COL22A1: variants seen among roughly 807,000 people sequenced by gnomAD.
COL22A1 encodes the protein collagen type XXII alpha 1 chain, also known as collagen alpha-1(XXII) chain.
A neutral mutation model predicts 248.9 loss-of-function variants in COL22A1; 221 were observed. That is an observed-to-expected ratio of 0.89 (90% confidence interval 0.80 to 0.99). The LOEUF (loss-of-function observed/expected upper bound fraction) is 0.99, where lower values mean the gene tolerates loss of function less well. Among genes scored for constraint, COL22A1 ranks in the 50% least tolerant of loss-of-function variants. The pLI, the probability that COL22A1 is intolerant of heterozygous loss-of-function variation, is 0.00. For missense variants in COL22A1, 2,240 were observed against 2,179.0 expected (o/e 1.03, Z -0.56); for synonymous variants, 891 against 793.4 (o/e 1.12, Z -2.07).
chr8:138,726,804 G>A (rs1164558984), intron 23 of COL22A1, among the ~76,000 whole-genome samples: 1 of 152,236 alleles, frequency 6.6e-6, no homozygotes, highest in Non-Finnish European at 1.5e-5. Flanking sequence ...GATGGAGGCT[G>A]AGCCAGGACC....
At position 138,721,745 on chromosome 8, in the gene COL22A1, C is replaced by A. The variant is rs374114389; in HGVS notation, c.2301+291G>T. Among the ~76,000 whole-genome samples, 74 of 152,330 alleles carry A rather than the reference C, an allele frequency of 4.9e-4. 1 individual carries two copies. In the East Asian group the frequency reaches 0.012, roughly 25 times the overall value. The stretch of plus-strand genomic sequence containing the variant: ...AGTGAATGGGAATACAGGTGCCCAC[C>A]CCCATGCCAGGCTAATTCCTGCCTA... On this transcript the variant is annotated intron_variant, in intron 26 of 64. Coordinates refer to ENST00000303045, the MANE Select transcript of COL22A1 (RefSeq NM_152888.3).
chr8:138,733,091 G>A (rs1830826689), intron 23 of COL22A1, among the ~76,000 whole-genome samples: 1 of 152,090 alleles, frequency 6.6e-6, no homozygotes. Context: ...CTGCACAGAG[G>A]CCCAGGCCCA....
intron 10 of COL22A1, 86 bp downstream of exon 10, chr8:138,807,682 C>A: frequency 7.8e-7 from 1 of 1,279,626 alleles, no homozygotes; most frequent in South Asian, 1.3e-5. Flanking sequence ...GGCAGCATCC[C>A]CACACACCAT....
At chr8:138,816,232 C>T (rs776796162) in intron 7 of COL22A1, among the ~76,000 whole-genome samples, 1 of 152,106 alleles carries the variant, frequency 6.6e-6, no homozygotes, top group Non-Finnish European at 1.5e-5. Flanking sequence ...TGGACAGAGG[C>T]GTTCTCAGGT....
chr8:138,646,329 G>C (rs1051940783), intron 47 of COL22A1, among the ~76,000 whole-genome samples: 1 of 152,194 alleles, frequency 6.6e-6, no homozygotes, highest in African/African-American at 2.4e-5. Context: ...TGGGAGTTAA[G>C]TGGAGGCGTC....
At chr8:138,598,436 C>T (rs1374470323) in intron 61 of COL22A1, among the ~76,000 whole-genome samples, 1 of 152,168 alleles carries the variant, frequency 6.6e-6, no homozygotes. Context: ...GATTCATTAC[C>T]ACGAGGAAGA....
chr8:138,646,580 T>C (rs774528495), intron 47 of COL22A1, 49 bp downstream of exon 47: 1 of 1,379,608 alleles, frequency 7.2e-7, no homozygotes, highest in South Asian at 1.4e-5. Flanking sequence ...GATTAACCAT[T>C]GAGATGAGCA....
At chr8:138,773,549 T>C (rs5019355) in intron 16 of COL22A1, among the ~76,000 whole-genome samples, 21,175 of 152,258 alleles carry the variant, frequency 0.14, 2,609 homozygotes, top group African/African-American at 0.33. Flanking sequence ...ATTTAGCAAA[T>C]GTGTATCAAA....
intron 45 of COL22A1, among the ~76,000 whole-genome samples, chr8:138,653,171 A>G (rs1446027001): frequency 2.0e-5 from 3 of 152,148 alleles, no homozygotes; most frequent in African/African-American, 7.2e-5. Flanking sequence ...AATAACAGTC[A>G]TTGCTTCCCA....
intron 13 of COL22A1, 70 bp from the exon 14 acceptor site, chr8:138,779,632 A>G (rs1814782587): frequency 1.9e-6 from 2 of 1,052,774 alleles, no homozygotes; most frequent in Non-Finnish European, 3.0e-6. Flanking sequence ...AGAAGCCCAC[A>G]GTCTCCCAGG....
chr8:138,888,663 C>T (rs1328860086), intron 1 of COL22A1, among the ~76,000 whole-genome samples: 2 of 152,164 alleles, frequency 1.3e-5, no homozygotes, highest in Non-Finnish European at 2.9e-5. Context: ...GCTACAGGAA[C>T]AGGAAGAAAA....
chr8:138,735,224 GT>G (rs1309220589), intron 23 of COL22A1, among the ~76,000 whole-genome samples: 4 of 152,160 alleles, frequency 2.6e-5, no homozygotes, highest in Admixed American at 6.5e-5. Flanking sequence ...GCCTCTTAGC[GT>G]AAGAGTGGCT....
At chr8:138,718,011 C>T (rs766772579) in intron 27 of COL22A1, among the ~76,000 whole-genome samples, 6 of 151,742 alleles carry the variant, frequency 4.0e-5, no homozygotes, top group East Asian at 1.9e-4. Flanking sequence ...CATGGATGCA[C>T]GAAAGAATGA....
chr8:138,786,269 A>G lies in COL22A1; in HGVS notation c.1597-5289T>C, dbSNP rs992135469. On this transcript the variant is annotated intron_variant, in intron 12 of 64. Transcript: ENST00000303045. Reference sequence around the variant, plus strand: ...CTGTGTATTCTAAGAAGAGAACTAGAGGTCTCTGTAGAAGTGAATATGTTC... The same window carrying G: ...CTGTGTATTCTAAGAAGAGAACTAGGGGTCTCTGTAGAAGTGAATATGTTC... Among the ~76,000 whole-genome samples, 9 of 152,208 alleles carry G rather than the reference A, an allele frequency of 5.9e-5. No homozygotes were observed. In the East Asian group the frequency reaches 1.7e-3, roughly 29 times the overall value.
intron 3 of COL22A1, among the ~76,000 whole-genome samples, chr8:138,855,876 G>C (rs532955129): frequency 6.6e-6 from 1 of 152,188 alleles, no homozygotes; most frequent in African/African-American, 2.4e-5. Flanking sequence ...CACTGTCAAC[G>C]GTGTAGGACA....
chr8:138,731,660 G>A (rs1830716928), intron 23 of COL22A1, among the ~76,000 whole-genome samples: 1 of 151,748 alleles, frequency 6.6e-6, no homozygotes, highest in South Asian at 2.1e-4. Flanking sequence ...GAGAGAGAGA[G>A]AGAGTGAGTT....
At chr8:138,714,782 G>A (rs1829302296) in intron 30 of COL22A1, among the ~76,000 whole-genome samples, 1 of 152,152 alleles carries the variant, frequency 6.6e-6, no homozygotes, top group African/African-American at 2.4e-5. Flanking sequence ...ATGCCATGAT[G>A]CCCCCTTGAT....
chr8:138,743,543 G>A (rs1257379718), intron 22 of COL22A1, among the ~76,000 whole-genome samples: 1 of 152,096 alleles, frequency 6.6e-6, no homozygotes, highest in Non-Finnish European at 1.5e-5. Context: ...AGTGGTGATA[G>A]TGGCAACTCT....
chr8:138,812,053 T>G lies in COL22A1; in HGVS notation c.1327-132A>C, dbSNP rs185317913. The G allele has an allele frequency of 4.9e-4, 551 of 1,115,690 alleles. 3 individuals are homozygous for G. In the African/African-American group the frequency reaches 8.0e-3, roughly 16 times the overall value. The allele number at this position is 1,115,690 out of a possible 1,614,324, so 69.1% of individuals were successfully genotyped here. A position where few individuals can be genotyped will look rare whatever the true frequency, so the allele number is the denominator to read the frequency against. ...GAGAAAACGCTGAGGATGTCTCTCCTGAGGCCTTGGGGCAGAAAGCCTGGC... is the reference window on the plus strand; with the variant it reads ...GAGAAAACGCTGAGGATGTCTCTCCGGAGGCCTTGGGGCAGAAAGCCTGGC... On this transcript the variant is annotated intron_variant, in intron 8 of 64. Transcript: ENST00000303045.
Sources: allele counts gnomAD v4.1 joint callset (sites outside exome capture counted in the v4.1 genomes callset), GRCh38; gene constraint gnomAD v4.1.1; transcripts MANE v1.5; gene names NCBI Gene and HGNC (gene_info 2026-07-23, HGNC 2026-07-21).